The following ZNF420 variants were observed in gnomAD, a reference collection of about 807,000 sequenced individuals.
ZNF420 encodes the protein zinc finger protein 420, also known as ATM and p53-associated KZNF protein.
ZNF420 carries 31 observed loss-of-function variants against 44.7 expected under a neutral mutation model. The ratio of observed to expected loss-of-function variants is 0.69; its 90% confidence interval spans 0.52 to 0.94. The LOEUF (loss-of-function observed/expected upper bound fraction) is 0.94, where lower values mean the gene tolerates loss of function less well. Ranked by LOEUF, ZNF420 falls within the 40% of genes least tolerant of loss-of-function variation. The pLI is 0.00. For synonymous variants in ZNF420, 245 were observed against 267.4 expected, an observed-to-expected ratio of 0.92 and a Z score of 0.82; for missense variants, 681 against 827.9, an observed-to-expected ratio of 0.82 and a Z score of 2.18.
intron 2 of ZNF420, among the ~76,000 whole-genome samples, chr19:37,087,609 T>A (rs1325884860): frequency 6.6e-6 from 1 of 152,168 alleles, no homozygotes; most frequent in Non-Finnish European, 1.5e-5. Flanking sequence ...TACTGTTGAA[T>A]GTTAAAGTAA....
At chr19:37,107,743 A>G (rs1970174053) in intron 4 of ZNF420, 1 of 152,426 alleles carries the variant, frequency 6.6e-6, no homozygotes, top group Non-Finnish European at 1.5e-5. Flanking sequence ...GAAATTTACA[A>G]TAGTAGAACT....
intron 1 of ZNF420, among the ~76,000 whole-genome samples, chr19:37,059,021 CCCTG>C (rs1786429253): frequency 6.6e-6 from 1 of 152,220 alleles, no homozygotes; most frequent in Non-Finnish European, 1.5e-5. Flanking sequence ...TGCAGCGAGG[CCCTG>C]CCTGCCTCAC....
chr19:37,059,744 G>A (rs1056379793), intron 1 of ZNF420, among the ~76,000 whole-genome samples: 3 of 152,144 alleles, frequency 2.0e-5, no homozygotes, highest in Non-Finnish European at 4.4e-5. Flanking sequence ...CGCAGCCTCA[G>A]GGGTTGCCTG....
At chr19:37,026,230 T>C (rs2146390828) in intron 1 of ZNF420, among the ~76,000 whole-genome samples, 1 of 151,980 alleles carries the variant, frequency 6.6e-6, no homozygotes, top group Non-Finnish European at 1.5e-5. Context: ...CCATCTCAGC[T>C]CACTGCAACC....
At chr19:37,095,412 G>C (rs558740582) in intron 4 of ZNF420, among the ~76,000 whole-genome samples, 1 of 152,060 alleles carries the variant, frequency 6.6e-6, no homozygotes, top group South Asian at 2.1e-4. Flanking sequence ...TTTTAGTTCT[G>C]TTCTTTTTTT....
intron 1 of ZNF420, among the ~76,000 whole-genome samples, chr19:37,065,985 T>C (rs550811148): frequency 6.6e-6 from 1 of 152,206 alleles, no homozygotes; most frequent in Non-Finnish European, 1.5e-5. Context: ...GCTACAACTC[T>C]AAGGCTTCTA....
chr19:37,036,604 C>G (rs1180017993), intron 1 of ZNF420, among the ~76,000 whole-genome samples: 1 of 152,102 alleles, frequency 6.6e-6, no homozygotes, highest in African/African-American at 2.4e-5. Context: ...GAGTCTAGTG[C>G]CTTCTAATTG....
intron 4 of ZNF420, among the ~76,000 whole-genome samples, chr19:37,096,840 C>T (rs1279357526): frequency 6.6e-6 from 1 of 151,672 alleles, no homozygotes; most frequent in Non-Finnish European, 1.5e-5. Flanking sequence ...TTTTATTGTT[C>T]AGCATGCTAA....
chr19:37,047,122 T>C (rs1967557034), intron 1 of ZNF420, among the ~76,000 whole-genome samples: 1 of 152,356 alleles, frequency 6.6e-6, no homozygotes, highest in East Asian at 1.9e-4. Context: ...TCCAATTTTG[T>C]GCACTTTAAG....
At chr19:37,121,802 G>C (rs1971059075) in intron 4 of ZNF420, among the ~76,000 whole-genome samples, 1 of 152,162 alleles carries the variant, frequency 6.6e-6, no homozygotes, top group South Asian at 2.1e-4. Context: ...CAAAAAGTGG[G>C]TGAAGGATAT....
At chr19:37,068,022 TAC>T (rs2146450424) in intron 1 of ZNF420, among the ~76,000 whole-genome samples, 1 of 152,066 alleles carries the variant, frequency 6.6e-6, no homozygotes, top group East Asian at 1.9e-4. Flanking sequence ...TATATACACT[TAC>T]ACACACACAT....
chr19:37,062,318 T>TATA (rs1256640506), intron 1 of ZNF420, among the ~76,000 whole-genome samples: 1 of 152,138 alleles, frequency 6.6e-6, no homozygotes, highest in East Asian at 1.9e-4. Context: ...GACATTATAT[T>TATA]TAAGAGGAGG....
chr19:37,033,665 A>C (rs768782469), intron 1 of ZNF420, among the ~76,000 whole-genome samples: 2 of 152,228 alleles, frequency 1.3e-5, no homozygotes, highest in Non-Finnish European at 2.9e-5. Context: ...TGAATTTGCA[A>C]ATATCTGTTG....
chr19:37,086,794 A>T (rs1473288489), intron 2 of ZNF420, among the ~76,000 whole-genome samples: 1 of 152,134 alleles, frequency 6.6e-6, no homozygotes, highest in Non-Finnish European at 1.5e-5. Context: ...TTGTGATTAG[A>T]GTTTGATGGT....
chr19:37,111,455 ATTT>A (rs1020360048), intron 4 of ZNF420: 3 of 152,108 alleles, frequency 2.0e-5, no homozygotes, highest in Admixed American at 1.3e-4. Context: ...TTGTGGCTTA[ATTT>A]TTTTATTTTC....
intron 1 of ZNF420, among the ~76,000 whole-genome samples, chr19:37,058,354 C>A (rs947156819): frequency 1.3e-5 from 2 of 152,080 alleles, no homozygotes; most frequent in Non-Finnish European, 2.9e-5. Flanking sequence ...CTGGCCTTGG[C>A]GTCTAGGAAA....
chr19:37,129,950 TGA>T lies in ZNF420; in HGVS notation c.*896_*897del, dbSNP rs1475505508. ...CAGACTATTTTGCAATGAAAAATGA[TGA>T]GAGTTTGTGATACAGACTGCTTTTT... On this transcript the variant is annotated 3_prime_UTR_variant, in exon 5 of 5. Transcript: ENST00000337995. 1.4e-6 allele frequency: 2 copies of T among 1,390,406 alleles called. No individual in the cohort carries two copies. The highest frequency in any genetic ancestry group is 1.9e-6 in the Non-Finnish European group (2 of 1,064,764). 86.1% of individuals were successfully genotyped at this position (1,390,406 alleles called of 1,614,324 possible).
At chr19:37,117,358 CAG>C (rs1359867592) in intron 4 of ZNF420, among the ~76,000 whole-genome samples, 50 of 152,364 alleles carry the variant, frequency 3.3e-4, no homozygotes, top group Non-Finnish European at 1.2e-4. Flanking sequence ...CCCAGGCAAA[CAG>C]GGTCTGGAGT....
intron 4 of ZNF420, chr19:37,109,615 G>A (rs1317164849): frequency 3.9e-5 from 6 of 152,158 alleles, no homozygotes; most frequent in African/African-American, 1.4e-4. Context: ...TCTCCGTGGA[G>A]GTGCTTTTCT....
Sources: allele counts gnomAD v4.1 joint callset (sites outside exome capture counted in the v4.1 genomes callset), GRCh38; gene constraint gnomAD v4.1.1; transcripts MANE v1.5; gene names NCBI Gene and HGNC (gene_info 2026-07-23, HGNC 2026-07-21).